Variants in MINPP1 observed in about 807,000 individuals in gnomAD.
The protein encoded by MINPP1 is multiple inositol-polyphosphate phosphatase 1.
MINPP1 carries 28 observed loss-of-function variants against 46.1 expected under a neutral mutation model. The observed-to-expected ratio is 0.61, with a 90% CI of 0.45 to 0.83. The LOEUF is 0.83. MINPP1 is among the 40% of genes least tolerant of loss of function. The pLI, the probability that MINPP1 is intolerant of heterozygous loss-of-function variation, is 0.00. For synonymous variants in MINPP1, 268 were observed against 249.1 expected, an observed-to-expected ratio of 1.08 and a Z score of -0.72; for missense variants, 603 against 610.0, an observed-to-expected ratio of 0.99 and a Z score of 0.12.
At chr10:87,528,693 G>C (rs1851613395) in intron 4 of MINPP1, among the ~76,000 whole-genome samples, 1 of 152,214 alleles carries the variant, frequency 6.6e-6, no homozygotes, top group Non-Finnish European at 1.5e-5. Context: ...CTGTTGATTT[G>C]GGGTGGAGAG....
At position 87,517,705 on chromosome 10, in the gene MINPP1, A is replaced by G. The variant is rs1851432478; in HGVS notation, c.934-3331A>G. On this transcript the variant is annotated intron_variant, in intron 3 of 4. Coordinates refer to ENST00000371996, the MANE Select transcript of MINPP1 (RefSeq NM_004897.5). The stretch of plus-strand genomic sequence containing the variant: ...ACCTTGTTGCTATGAACATTATTGT[A>G]TATGTTTATTGGGGTACAGGTATAC... Among the ~76,000 whole-genome samples, 4 of 152,122 alleles carry G rather than the reference A, an allele frequency of 2.6e-5. No individual in the cohort carries two copies. In the South Asian group the frequency reaches 8.3e-4, roughly 32 times the overall value.
chr10:87,544,792 T>C lies in MINPP1; in HGVS notation c.1068-7290T>C, dbSNP rs1475510337. 2.6e-5 allele frequency among the ~76,000 whole-genome samples: 4 copies of C among 152,224 alleles called. No homozygotes were observed. The East Asian group carries it at 7.7e-4, about 29-fold the overall frequency. ...ATACTTTACAAAGTAATCTTTATTA[T>C]CTTTATTCTAGTTTGCCCTTGAACC... On this transcript the variant is annotated intron_variant, in intron 4 of 4. Coordinates refer to ENST00000371996, the MANE Select transcript of MINPP1 (RefSeq NM_004897.5).
intron 1 of MINPP1, among the ~76,000 whole-genome samples, chr10:87,506,491 C>T (rs539002218): frequency 1.3e-5 from 2 of 152,234 alleles, no homozygotes; most frequent in East Asian, 1.9e-4. Flanking sequence ...ATAGTATTTT[C>T]CCCTTATCTC....
Position 87,548,654 on chromosome 10 carries a change from A to T in MINPP1, c.1068-3428A>T, listed in dbSNP as rs144714312. The stretch of plus-strand genomic sequence containing the variant: ...ATATTTATACTTGGTTATTGTAAAA[A>T]TATATAAATTATAAAAATAAAATTA... On this transcript the variant is annotated intron_variant, in intron 4 of 4. Coordinates refer to ENST00000371996, the MANE Select transcript of MINPP1 (RefSeq NM_004897.5). 3.7e-3 allele frequency among the ~76,000 whole-genome samples: 546 copies of T among 149,274 alleles called. 6 individuals carry two copies. Among genetic ancestry groups the T allele is most frequent in the African/African-American group, 0.013 (506 of 38,796 alleles).
chr10:87,506,608 A>G (rs149203414), intron 1 of MINPP1, among the ~76,000 whole-genome samples: 107 of 152,340 alleles, frequency 7.0e-4, no homozygotes, highest in African/African-American at 2.6e-3. Context: ...CTTAGCCATT[A>G]TGCTATACTG....
intron 3 of MINPP1, among the ~76,000 whole-genome samples, chr10:87,514,121 C>G (rs1242293556): frequency 6.6e-6 from 1 of 152,030 alleles, no homozygotes; most frequent in Non-Finnish European, 1.5e-5. Context: ...CTGGCAGATT[C>G]CCTTTTATCA....
chr10:87,542,741 C>G (rs1851833801), intron 4 of MINPP1, among the ~76,000 whole-genome samples: 1 of 152,230 alleles, frequency 6.6e-6, no homozygotes. Flanking sequence ...GTACAGCCTG[C>G]AGAACCGTAA....
chr10:87,511,264 GT>G (rs982050824), intron 2 of MINPP1, among the ~76,000 whole-genome samples: 1 of 151,974 alleles, frequency 6.6e-6, no homozygotes, highest in African/African-American at 2.4e-5. Flanking sequence ...TATCTCTTAG[GT>G]TTGTTGATGG....
chr10:87,508,559 G>A, intron 2 of MINPP1, 26 bp downstream of exon 2: 1 of 1,577,678 alleles, frequency 6.3e-7, no homozygotes, highest in East Asian at 2.2e-5. Flanking sequence ...TCTTTTATTT[G>A]AACTTAACAG....
chr10:87,505,047 C>G lies in MINPP1; in HGVS notation c.132C>G (p.Ser44Arg), dbSNP rs779605068. ...EPRDPVASSLSPYFGTKTRYE... is the reference protein window; with the variant it reads ...EPRDPVASSLRPYFGTKTRYE... ...GGGACCCGGTGGCCTCGTCGCTCAG[C>G]CCCTATTTCGGCACCAAGACTCGCT... The change falls in exon 1 of 5, where the codon AGC (serine) becomes AGG (arginine). Residue 44 changes from serine to arginine, a missense_variant. Ser to Arg is a moderately radical substitution (Grantham distance 110, BLOSUM62 -1). Coordinates refer to ENST00000371996, the MANE Select transcript of MINPP1 (RefSeq NM_004897.5). The surrounding 1 kb of genome is among the most constrained non-coding windows in gnomAD (Gnocchi z 4.4). 3 of 1,613,244 alleles carry G rather than the reference C, an allele frequency of 1.9e-6. No individual in the cohort carries two copies. The African/African-American group carries it at 4.0e-5, about 22-fold the overall frequency.
chr10:87,522,990 C>T (rs1851524226), intron 4 of MINPP1, among the ~76,000 whole-genome samples: 1 of 152,150 alleles, frequency 6.6e-6, no homozygotes, highest in Non-Finnish European at 1.5e-5. Flanking sequence ...CTCAAGAAAC[C>T]ACTTTGTTCA....
chr10:87,532,864 C>G (rs1031740767), intron 4 of MINPP1, among the ~76,000 whole-genome samples: 1 of 152,116 alleles, frequency 6.6e-6, no homozygotes, highest in Non-Finnish European at 1.5e-5. Flanking sequence ...ACAGAGAGTT[C>G]CTACTTACTG....
intron 4 of MINPP1, among the ~76,000 whole-genome samples, chr10:87,540,877 C>G (rs1851806245): frequency 6.6e-6 from 1 of 152,204 alleles, no homozygotes; most frequent in Non-Finnish European, 1.5e-5. Flanking sequence ...TTACTTTATA[C>G]AGTCCTGGCA....
intron 3 of MINPP1, among the ~76,000 whole-genome samples, chr10:87,515,551 T>C (rs1309982938): frequency 6.6e-6 from 1 of 152,208 alleles, no homozygotes; most frequent in African/African-American, 2.4e-5. Flanking sequence ...TTGATTGAGG[T>C]ATTTTCTATT....
At chr10:87,543,731 AAGTT>A (rs546140617) in intron 4 of MINPP1, among the ~76,000 whole-genome samples, 3 of 152,248 alleles carry the variant, frequency 2.0e-5, no homozygotes, top group Non-Finnish European at 4.4e-5. Flanking sequence ...AAAGAAAACA[AAGTT>A]AGTTTTATGA....
At chr10:87,550,513 A>G (rs992434846) in intron 4 of MINPP1, among the ~76,000 whole-genome samples, 15 of 152,114 alleles carry the variant, frequency 9.9e-5, no homozygotes, top group Admixed American at 7.9e-4. Context: ...TTTTGAGTAT[A>G]TATTTCTAGC....
At chr10:87,546,925 G>GT (rs764481263) in intron 4 of MINPP1, among the ~76,000 whole-genome samples, 2 of 152,040 alleles carry the variant, frequency 1.3e-5, no homozygotes, top group Non-Finnish European at 2.9e-5. Flanking sequence ...GCGAGCTCCT[G>GT]TATCTTTAAA....
chr10:87,515,075 CT>C (rs1384319880), intron 3 of MINPP1, among the ~76,000 whole-genome samples: 2 of 151,724 alleles, frequency 1.3e-5, no homozygotes, highest in Non-Finnish European at 2.9e-5. Flanking sequence ...TGTAGAGGTA[CT>C]TTTTTTCCTT....
chr10:87,515,228 A>G (rs930715518), intron 3 of MINPP1, among the ~76,000 whole-genome samples: 1 of 151,902 alleles, frequency 6.6e-6, no homozygotes, highest in African/African-American at 2.4e-5. Flanking sequence ...CCATACTAAA[A>G]ATTAAAAAAT....
Sources: allele counts gnomAD v4.1 joint callset (sites outside exome capture counted in the v4.1 genomes callset), GRCh38; gene constraint gnomAD v4.1.1; non-coding constraint Gnocchi (gnomAD v3.1); transcripts MANE v1.5; gene names NCBI Gene and HGNC (gene_info 2026-07-23, HGNC 2026-07-21).